The following IL1RAPL1 variants were observed in gnomAD, a reference collection of about 807,000 sequenced individuals.
IL1RAPL1 encodes the protein interleukin-1 receptor accessory protein-like 1.
A neutral mutation model predicts 48.4 loss-of-function variants in IL1RAPL1; 3 were observed. The ratio of observed to expected loss-of-function variants is 0.06; its 90% CI spans 0.03 to 0.16. The LOEUF is 0.16. IL1RAPL1 is among the 10% of genes least tolerant of loss of function. The pLI is 1.00. For synonymous variants in IL1RAPL1, 185 were observed against 187.7 expected (o/e 0.99, Z 0.12); for missense variants, 349 against 530.6 (o/e 0.66, Z 3.36).
intron 2 of IL1RAPL1, among the ~76,000 whole-genome samples, chrX:28,917,771 C>T (rs1280396909): frequency 5.3e-5 from 6 of 112,221 alleles, no homozygotes; most frequent in African/African-American, 1.3e-4. Context: ...GTATACCATA[C>T]GTAACATTTA....
chrX:29,217,214 C>T (rs976429936), intron 2 of IL1RAPL1, among the ~76,000 whole-genome samples: 2 of 112,163 alleles, frequency 1.8e-5, no homozygotes, highest in Non-Finnish European at 3.8e-5. Context: ...GTTTATTTTA[C>T]TCCACTTTGA....
rs916174528 is a variant in IL1RAPL1 at position 29,725,322 on chromosome X, A to G, written c.778+56818A>G. On this transcript the variant is annotated intron_variant, in intron 6 of 10. Coordinates refer to ENST00000378993, the MANE Select transcript of IL1RAPL1 (RefSeq NM_014271.4). ...CTCCTTCTACTGTTACTTGTTGCAA[A>G]TAAGATGATGTTCCTCCATTATATG... Among the ~76,000 whole-genome samples the G allele has an allele frequency of 1.1e-4, 12 of 111,190 alleles. No homozygotes were observed. In the East Asian group the frequency reaches 3.4e-3, roughly 31 times the overall value.
At chrX:29,118,399 C>T (rs773601136) in intron 2 of IL1RAPL1, among the ~76,000 whole-genome samples, 1 of 111,476 alleles carries the variant, frequency 9.0e-6, no homozygotes, top group Non-Finnish European at 1.9e-5. Flanking sequence ...ATAATTTACT[C>T]GTGGTTACAG....
chrX:28,857,858 G>GGCTATAGCTGCTATAGATCT (rs1451078126), intron 2 of IL1RAPL1, among the ~76,000 whole-genome samples: 1 of 111,506 alleles, frequency 9.0e-6, no homozygotes, highest in Non-Finnish European at 1.9e-5. Context: ...CATTTCATAA[G>GGCTATAGCTGCTATAGATCT]GCTATAGCTG....
At chrX:29,782,888 A>ATTTTTTTTTTTT (rs780831874) in intron 6 of IL1RAPL1, among the ~76,000 whole-genome samples, 4 of 31,075 alleles carry the variant, frequency 1.3e-4, no homozygotes, top group African/African-American at 3.8e-4. Flanking sequence ...TGATCGTGAC[A>ATTTTTTTTTTTT]TTTTTTTTTT....
chrX:29,334,185 G>A (rs1332081017), intron 3 of IL1RAPL1, among the ~76,000 whole-genome samples: 17 of 68,807 alleles, frequency 2.5e-4, no homozygotes, highest in Non-Finnish European at 2.9e-4. Context: ...CGGGGCGGCC[G>A]GCCGGGCGGG....
chrX:29,381,730 C>T (rs1207968450), intron 3 of IL1RAPL1, among the ~76,000 whole-genome samples: 12 of 100,142 alleles, frequency 1.2e-4, no homozygotes, highest in South Asian at 4.9e-4. Context: ...ATAGAAGGAT[C>T]GCTTGAACCC....
In IL1RAPL1 at chrX:29,339,116, A is replaced by G. The variant is rs1410555984; in HGVS notation, c.362+55899A>G. The stretch of plus-strand genomic sequence containing the variant: ...CACACACACACACACACACACACGC[A>G]CACACTCAAATATCACATGTTACTA... On this transcript the variant is annotated intron_variant, in intron 3 of 10. Coordinates refer to ENST00000378993, the MANE Select transcript of IL1RAPL1 (RefSeq NM_014271.4). 3.6e-5 allele frequency among the ~76,000 whole-genome samples: 4 copies of G among 109,629 alleles called. No individual in the cohort carries two copies. In the East Asian group the frequency reaches 8.6e-4, roughly 24 times the overall value.
intron 5 of IL1RAPL1, among the ~76,000 whole-genome samples, chrX:29,421,994 G>A (rs1384616513): frequency 1.8e-5 from 2 of 111,685 alleles, no homozygotes; most frequent in Admixed American, 1.9e-4. Context: ...ATTTATTAAC[G>A]TGTGCATGAG....
Position 29,760,735 on chromosome X carries a change from T to C in IL1RAPL1, c.778+92231T>C, listed in dbSNP as rs144037080. 7.6e-3 allele frequency among the ~76,000 whole-genome samples: 852 copies of C among 111,602 alleles called. 9 individuals carry two copies. Among genetic ancestry groups the C allele is most frequent in the African/African-American group, 0.027 (822 of 30,704 alleles). ...GAATTAGGCAAACTGGCACACTAAG[T>C]TCCCTGCCCTATTCAGTATTCTGCT... On this transcript the variant is annotated intron_variant, in intron 6 of 10. Transcript: ENST00000378993.
At chrX:29,044,222 A>G (rs966151911) in intron 2 of IL1RAPL1, among the ~76,000 whole-genome samples, 1 of 110,933 alleles carries the variant, frequency 9.0e-6, no homozygotes. Context: ...ACTTGAGGTC[A>G]GGAGTTCAAA....
At chrX:29,162,294 A>G (rs896213035) in intron 2 of IL1RAPL1, among the ~76,000 whole-genome samples, 7 of 111,227 alleles carry the variant, frequency 6.3e-5, no homozygotes, top group African/African-American at 9.8e-5. Context: ...TGATAGGTGC[A>G]GCATACCACC....
intron 2 of IL1RAPL1, among the ~76,000 whole-genome samples, chrX:29,123,180 C>T (rs993437749): frequency 9.1e-6 from 1 of 109,868 alleles, no homozygotes; most frequent in East Asian, 2.8e-4. Flanking sequence ...CAAGTGCCTG[C>T]CCCCACACCC....
At chrX:29,267,107 C>T (rs1372135379) in intron 2 of IL1RAPL1, among the ~76,000 whole-genome samples, 1 of 111,954 alleles carries the variant, frequency 8.9e-6, no homozygotes, top group African/African-American at 3.3e-5. Context: ...TCTATCCAAA[C>T]CACTCTTTTC....
chrX:29,818,961 G>A (rs1376805189), intron 6 of IL1RAPL1, among the ~76,000 whole-genome samples: 1 of 111,761 alleles, frequency 8.9e-6, no homozygotes, highest in African/African-American at 3.3e-5. Context: ...TCTTCAAGGC[G>A]TCATTTATAT....
intron 2 of IL1RAPL1, among the ~76,000 whole-genome samples, chrX:29,132,238 A>AT (rs1445378539): frequency 1.8e-5 from 2 of 111,575 alleles, no homozygotes; most frequent in African/African-American, 6.5e-5. Flanking sequence ...ATTATAAACA[A>AT]TGTGCTTATT....
chrX:29,480,019 T>C (rs888311340), intron 5 of IL1RAPL1, among the ~76,000 whole-genome samples: 4 of 109,695 alleles, frequency 3.6e-5, no homozygotes, highest in East Asian at 2.9e-4. Flanking sequence ...CTTTTTTTTT[T>C]CCTTTGGGTA....
At chrX:29,344,838 A>G (rs895213233) in intron 3 of IL1RAPL1, among the ~76,000 whole-genome samples, 5 of 111,857 alleles carry the variant, frequency 4.5e-5, no homozygotes, top group African/African-American at 1.3e-4. Context: ...GGGTTTCACC[A>G]TATCGGCCAG....
At chrX:29,072,684 C>T (rs927362427) in intron 2 of IL1RAPL1, among the ~76,000 whole-genome samples, 1 of 111,411 alleles carries the variant, frequency 9.0e-6, no homozygotes, top group African/African-American at 3.3e-5. Flanking sequence ...GAAGTTGACA[C>T]TTGGTAAAAT....
Sources: allele counts gnomAD v4.1 joint callset (sites outside exome capture counted in the v4.1 genomes callset), GRCh38; gene constraint gnomAD v4.1.1; transcripts MANE v1.5; gene names NCBI Gene and HGNC (gene_info 2026-07-23, HGNC 2026-07-21).